NBEA: variants seen among roughly 807,000 people sequenced by gnomAD.
NBEA encodes lysosomal-trafficking regulator 2.
In NBEA, 44 loss-of-function variants were observed where a neutral mutation model predicts 343.4. The ratio of observed to expected loss-of-function variants is 0.13; its 90% CI spans 0.10 to 0.16. The LOEUF (loss-of-function observed/expected upper bound fraction) is 0.16, where lower values mean the gene tolerates loss of function less well. Among genes scored for constraint, NBEA ranks in the 10% least tolerant of loss-of-function variants. NBEA has a pLI of 1.00. For synonymous variants in NBEA, 1,175 were observed against 1,238.7 expected (o/e 0.95, Z 1.08); for missense variants, 2,555 against 3,631.3 (o/e 0.70, Z 7.62).
At chr13:35,634,002 T>C (rs1053885825) in intron 49 of NBEA, among the ~76,000 whole-genome samples, 2 of 152,236 alleles carry the variant, frequency 1.3e-5, no homozygotes, top group Non-Finnish European at 2.9e-5. Flanking sequence ...TTTCTTGATC[T>C]AAATTAGTAT....
intron 36 of NBEA, among the ~76,000 whole-genome samples, chr13:35,309,803 A>C (rs1217758066): frequency 1.3e-5 from 2 of 152,174 alleles, no homozygotes; most frequent in Admixed American, 1.3e-4. Context: ...TAAAGGGACA[A>C]ACCTTATAAG....
In NBEA at chr13:35,166,648, G is replaced by A. The variant is rs552015294; in HGVS notation, c.4233+2139G>A. On this transcript the variant is annotated intron_variant, in intron 24 of 58. Transcript: ENST00000379939. ...AATTGCTTCCTTAAGAGAAATAGCC[G>A]AACCTTTCTCCCATTTTGTATCTGG... is the stretch of plus-strand genomic sequence containing the variant. 1.5e-4 allele frequency among the ~76,000 whole-genome samples: 23 copies of A among 152,154 alleles called. No individual in the cohort carries two copies. The South Asian group carries it at 3.3e-3, about 22-fold the overall frequency.
At chr13:35,401,778 A>G (rs2043012738) in intron 38 of NBEA, among the ~76,000 whole-genome samples, 1 of 151,732 alleles carries the variant, frequency 6.6e-6, no homozygotes, top group Admixed American at 6.6e-5. Context: ...ATTTATATTT[A>G]GAATTAGAAA....
intron 49 of NBEA, among the ~76,000 whole-genome samples, chr13:35,642,011 A>G (rs556225069): frequency 6.6e-6 from 1 of 152,332 alleles, no homozygotes; most frequent in South Asian, 2.1e-4. Context: ...AAGAAAGAAT[A>G]TTATTTAAGT....
At chr13:35,077,216 A>G (rs891803472) in intron 10 of NBEA, among the ~76,000 whole-genome samples, 4 of 152,106 alleles carry the variant, frequency 2.6e-5, no homozygotes, top group African/African-American at 4.8e-5. Context: ...TAGGTCCACA[A>G]TCTTGTTACC....
chr13:35,306,215 T>C (rs1185122044), intron 35 of NBEA, among the ~76,000 whole-genome samples: 1 of 152,138 alleles, frequency 6.6e-6, no homozygotes, highest in Non-Finnish European at 1.5e-5. Flanking sequence ...CCTGGTGTTC[T>C]AAAATTTAAT....
At chr13:35,090,061 A>AAAATAAATAAATAAATAAATAAAT (rs71078079) in intron 10 of NBEA, among the ~76,000 whole-genome samples, 2 of 145,106 alleles carry the variant, frequency 1.4e-5, no homozygotes, top group African/African-American at 5.0e-5. Context: ...AAAGTATAAT[A>AAAATAAATAAATAAATAAATAAAT]AAATAAATAA....
chr13:35,390,580 A>G (rs532034171), intron 38 of NBEA, among the ~76,000 whole-genome samples: 4 of 152,170 alleles, frequency 2.6e-5, no homozygotes, highest in Admixed American at 6.6e-5. Context: ...AGTTCATCCA[A>G]ACAGATTCTT....
intron 47 of NBEA, among the ~76,000 whole-genome samples, chr13:35,601,580 G>A (rs551316006): frequency 6.6e-6 from 1 of 151,942 alleles, no homozygotes; most frequent in African/African-American, 2.4e-5. Context: ...TGGCCAATAT[G>A]GTGAAACCCC....
intron 35 of NBEA, among the ~76,000 whole-genome samples, chr13:35,305,724 C>G (rs1196915343): frequency 1.3e-5 from 2 of 152,138 alleles, no homozygotes; most frequent in African/African-American, 2.4e-5. Context: ...AAGAAGTAAA[C>G]TTTCATGTTT....
chr13:35,488,939 G>A (rs1049911074), intron 41 of NBEA, among the ~76,000 whole-genome samples: 1 of 151,720 alleles, frequency 6.6e-6, no homozygotes, highest in African/African-American at 2.4e-5. Context: ...AATACAAAAT[G>A]CATTTTAATA....
chr13:35,073,075 A>G (rs1386302197), intron 10 of NBEA, among the ~76,000 whole-genome samples: 1 of 152,068 alleles, frequency 6.6e-6, no homozygotes, highest in Admixed American at 6.6e-5. Flanking sequence ...GTCTTTTGTT[A>G]TTTAATGTTT....
intron 10 of NBEA, among the ~76,000 whole-genome samples, chr13:35,089,593 A>G (rs1256379706): frequency 3.6e-4 from 45 of 124,208 alleles, no homozygotes; most frequent in Non-Finnish European, 3.3e-5. Context: ...TCATGCTGCT[A>G]TAAAGACACA....
In NBEA at chr13:35,472,495, G is replaced by A. The variant is rs940025145; in HGVS notation, c.6544G>A (p.Val2182Ile). The change falls in exon 41 of 59, where the codon GTA becomes ATA. Residue 2182 changes from valine to isoleucine, a missense_variant. Val to Ile is a conservative substitution (Grantham distance 29). Around this residue, in one of 21 missense-constraint regions of NBEA, gnomAD observed 246 missense variants for 313.7 expected, o/e 0.78. Coordinates refer to ENST00000379939, the MANE Select transcript of NBEA (RefSeq NM_001385012.1). ...SITTTEIYFE[V>I]DEDDSAFKKI... Reference sequence around the variant, plus strand: ...CACCACGACAGAAATCTACTTCGAGGTAGATGAGGATGATTCTGCCTTCAA... The same window carrying A: ...CACCACGACAGAAATCTACTTCGAGATAGATGAGGATGATTCTGCCTTCAA... 3.7e-6 allele frequency: 6 copies of A among 1,613,866 alleles called. No individual in the cohort carries two copies. The highest frequency in any genetic ancestry group is 1.1e-5 in the South Asian group (1 of 91,086).
chr13:35,478,530 C>G (rs2075982909), intron 41 of NBEA, among the ~76,000 whole-genome samples: 1 of 152,260 alleles, frequency 6.6e-6, no homozygotes, highest in African/African-American at 2.4e-5. Context: ...GCCTCTCTCT[C>G]GCTGCTCCGC....
chr13:34,950,321 T>C (rs1458081652), intron 1 of NBEA, among the ~76,000 whole-genome samples: 2 of 152,118 alleles, frequency 1.3e-5, no homozygotes, highest in Non-Finnish European at 2.9e-5. Flanking sequence ...CAGATTCTAC[T>C]TGAGAACAGA....
intron 48 of NBEA, among the ~76,000 whole-genome samples, chr13:35,615,144 C>CAAAAAAAAAAAAAAAAAAAA (rs1298199646): frequency 7.8e-6 from 1 of 128,876 alleles, no homozygotes; most frequent in Non-Finnish European, 1.6e-5. Context: ...AAAAAAAAAA[C>CAAAAAAAAAAAAAAAAAAAA]AAAAAAAAAT....
intron 45 of NBEA, among the ~76,000 whole-genome samples, chr13:35,571,069 T>C (rs1449744859): frequency 6.6e-6 from 1 of 152,180 alleles, no homozygotes; most frequent in Non-Finnish European, 1.5e-5. Context: ...TAGTTGTTTC[T>C]AAACAAACAC....
At chr13:35,556,843 C>T (rs1397350964) in intron 44 of NBEA, among the ~76,000 whole-genome samples, 1 of 152,098 alleles carries the variant, frequency 6.6e-6, no homozygotes, top group Non-Finnish European at 1.5e-5. Context: ...AGAAAGATTT[C>T]AAACTATTGA....
Sources: gnomAD v4.1 joint callset for allele counts (sites outside exome capture counted in the v4.1 genomes callset) on GRCh38, gnomAD v4.1.1 for gene constraint, gnomAD v4.1.1 regional missense constraint, MANE v1.5 for transcripts, NCBI Gene and HGNC (gene_info 2026-07-23, HGNC 2026-07-21) for gene names.